COL4A4: variants seen among roughly 807,000 people sequenced by gnomAD.
The protein encoded by COL4A4 is collagen alpha-4(IV) chain.
COL4A4 carries 105 observed loss-of-function variants against 192.9 expected under a neutral mutation model. That is an observed-to-expected ratio of 0.54 (90% confidence interval 0.46 to 0.64). The LOEUF is 0.64. Among genes scored for constraint, COL4A4 ranks in the 30% least tolerant of loss-of-function variants. The pLI is 0.00. For synonymous variants in COL4A4, 762 were observed against 769.9 expected (o/e 0.99, Z 0.17); for missense variants, 1,967 against 2,169.3 (o/e 0.91, Z 1.85).
chr2:227,025,917 T>C lies in COL4A4; in HGVS notation c.4082-107A>G, dbSNP rs765037440. The C allele has an allele frequency of 8.9e-4, 882 of 988,196 alleles. 2 individuals are homozygous for C. Among genetic ancestry groups the C allele is most frequent in the Non-Finnish European group, 1.0e-3 (664 of 634,972 alleles). 61.2% of individuals were successfully genotyped at this position (988,196 alleles called of 1,614,324 possible). A position where few individuals can be genotyped will look rare whatever the true frequency, so the allele number is the denominator to read the frequency against. On this transcript the variant is annotated intron_variant, in intron 42 of 47. Transcript: ENST00000396625. Reference sequence around the variant, plus strand: ...ACAAAAATGAAATAGATTAAGAACATACATAATAATTTGAGGCAGCATCAA... The same window carrying C: ...ACAAAAATGAAATAGATTAAGAACACACATAATAATTTGAGGCAGCATCAA...
intron 40 of COL4A4, 76 bp from the exon 41 acceptor site, chr2:227,030,674 A>G: frequency 8.4e-7 from 1 of 1,185,972 alleles, no homozygotes; most frequent in East Asian, 2.4e-5. Flanking sequence ...ACAGCTTCCG[A>G]AGAAAAACAA....
chr2:227,031,013 G>A (rs1286413139), intron 40 of COL4A4, among the ~76,000 whole-genome samples: 1 of 149,754 alleles, frequency 6.7e-6, no homozygotes, highest in Non-Finnish European at 1.5e-5. Flanking sequence ...ATGGATGGAT[G>A]GATATGTGGA....
At chr2:227,017,414 C>T (rs1965127581) in intron 44 of COL4A4, among the ~76,000 whole-genome samples, 2 of 152,224 alleles carry the variant, frequency 1.3e-5, no homozygotes, top group Non-Finnish European at 2.9e-5. Flanking sequence ...TAAAACTAAA[C>T]ATCAAAACAA....
At chr2:227,092,106 G>T (rs1333113650) in intron 20 of COL4A4, among the ~76,000 whole-genome samples, 1 of 151,906 alleles carries the variant, frequency 6.6e-6, no homozygotes, top group East Asian at 1.9e-4. Flanking sequence ...AAAGGAAAAT[G>T]GATTTCAAAA....
At chr2:227,062,087 A>T (rs1250752403) in intron 26 of COL4A4, among the ~76,000 whole-genome samples, 1 of 152,034 alleles carries the variant, frequency 6.6e-6, no homozygotes, top group Non-Finnish European at 1.5e-5. Flanking sequence ...AAAACACAAA[A>T]ATTAGCCGGG....
chr2:227,085,466 A>G (rs1312062136), intron 22 of COL4A4, among the ~76,000 whole-genome samples: 1 of 152,214 alleles, frequency 6.6e-6, no homozygotes, highest in Non-Finnish European at 1.5e-5. Flanking sequence ...TTGCTTCGCT[A>G]TAAAGAAATA....
chr2:227,104,126 G>T, intron 12 of COL4A4, 74 bp from the exon 13 acceptor site: 1 of 1,232,086 alleles, frequency 8.1e-7, no homozygotes, highest in Non-Finnish European at 1.2e-6. Flanking sequence ...ATGTATTGTG[G>T]TATAATGCTT....
chr2:227,132,980 G>A (rs1331375853), intron 4 of COL4A4, among the ~76,000 whole-genome samples: 2 of 152,126 alleles, frequency 1.3e-5, no homozygotes, highest in Non-Finnish European at 2.9e-5. Context: ...CTTATACTAA[G>A]TGCTTTCTAT....
At chr2:226,994,783 A>T in the COL4A4 span, among the ~76,000 whole-genome samples, 1 of 152,150 alleles carries the variant, frequency 6.6e-6, no homozygotes, top group Non-Finnish European at 1.5e-5. Context: ...TTCTTGTATC[A>T]TTACAAACTG....
intron 41 of COL4A4, 35 bp from the exon 42 acceptor site, chr2:227,028,044 T>C (rs1329907374): frequency 1.5e-6 from 2 of 1,348,324 alleles, no homozygotes; most frequent in Non-Finnish European, 2.1e-6. Context: ...ATGAGGGCAC[T>C]GGAATGAGAC....
intron 25 of COL4A4, among the ~76,000 whole-genome samples, chr2:227,071,493 A>C (rs192469036): frequency 6.6e-6 from 1 of 152,286 alleles, no homozygotes; most frequent in Non-Finnish European, 1.5e-5. Context: ...ACAGATCTTC[A>C]TGACAGAACG....
At chr2:227,153,829 G>T (rs776018222) in intron 1 of COL4A4, among the ~76,000 whole-genome samples, 6 of 152,144 alleles carry the variant, frequency 3.9e-5, no homozygotes, top group Non-Finnish European at 5.9e-5. Flanking sequence ...AAAAGAGAAG[G>T]ACAGATGGTT....
At chr2:227,033,371 A>G in intron 38 of COL4A4, 39 bp downstream of exon 38, 1 of 1,521,148 alleles carries the variant, frequency 6.6e-7, no homozygotes, top group Non-Finnish European at 9.1e-7. Context: ...TGAACCATGG[A>G]CTGAAGCTCA....
At chr2:227,073,808 A>C (rs2058858916) in intron 25 of COL4A4, among the ~76,000 whole-genome samples, 1 of 152,098 alleles carries the variant, frequency 6.6e-6, no homozygotes. Flanking sequence ...TGGACACCCT[A>C]TTTAATAAAT....
chr2:227,099,111 C>T (rs1482056754), intron 18 of COL4A4, among the ~76,000 whole-genome samples: 2 of 152,090 alleles, frequency 1.3e-5, no homozygotes, highest in Admixed American at 6.6e-5. Flanking sequence ...CTCCCTCTGT[C>T]GCCCAGGCAG....
At chr2:227,079,882 C>A (rs562810682) in intron 24 of COL4A4, among the ~76,000 whole-genome samples, 4 of 152,278 alleles carry the variant, frequency 2.6e-5, no homozygotes, top group African/African-American at 9.6e-5. Context: ...TCATCTCATC[C>A]TCTTCTTTTA....
intron 25 of COL4A4, among the ~76,000 whole-genome samples, chr2:227,076,332 A>G (rs1002619342): frequency 1.3e-5 from 2 of 152,110 alleles, no homozygotes; most frequent in African/African-American, 4.8e-5. Flanking sequence ...CAGAAATAAC[A>G]CTACACATCT....
chr2:227,074,029 C>CA (rs2058875930), intron 25 of COL4A4, among the ~76,000 whole-genome samples: 1 of 151,764 alleles, frequency 6.6e-6, no homozygotes, highest in South Asian at 2.1e-4. Flanking sequence ...GCAAATGCAA[C>CA]AAAAACTAAA....
Position 227,054,733 on chromosome 2 carries a change from G to A in COL4A4, c.2721C>T (p.Pro907=), listed in dbSNP as rs570051369. 5.0e-6 allele frequency: 8 copies of A among 1,613,764 alleles called. No homozygotes were observed. Among genetic ancestry groups the A allele is most frequent in the African/African-American group, 4.0e-5 (3 of 74,880 alleles). The part of the protein sequence containing the change: ...GLPGPPGPKG[P]RGLPGFPGFP... ...AACCTGGGAAACCAGGCAGCCCCCG[G>A]GGTCCTGGTGAAATGAGAGCATAAA... The change falls in exon 31 of 48, where the codon CCC becomes CCT. Residue 907 remains proline, a synonymous_variant. Transcript: ENST00000396625.
Sources: allele counts gnomAD v4.1 joint callset (sites outside exome capture counted in the v4.1 genomes callset), GRCh38; gene constraint gnomAD v4.1.1; transcripts MANE v1.5; gene names NCBI Gene and HGNC (gene_info 2026-07-23, HGNC 2026-07-21).